Variants in CLDN16 observed in about 807,000 individuals in gnomAD.
CLDN16 encodes the protein claudin-16.
CLDN16 carries 13 observed loss-of-function variants against 24.6 expected under a neutral mutation model. That is an observed-to-expected ratio of 0.53 (90% confidence interval 0.34 to 0.84). The LOEUF (loss-of-function observed/expected upper bound fraction) is 0.84. Ranked by LOEUF, CLDN16 falls within the 40% of genes least tolerant of loss-of-function variation. The pLI, the probability that CLDN16 is intolerant of heterozygous loss-of-function variation, is 0.01. For synonymous variants in CLDN16, 116 were observed against 106.7 expected (o/e 1.09, Z -0.54); for missense variants, 298 against 292.7 (o/e 1.02, Z -0.13).
At chr3:190,366,463 T>G (rs527834801) in intron 1 of CLDN16, among the ~76,000 whole-genome samples, 3 of 152,056 alleles carry the variant, frequency 2.0e-5, no homozygotes, top group African/African-American at 7.2e-5. Context: ...TTAGGCCCAC[T>G]CCTGATACCA....
At chr3:190,301,936 T>A in the CLDN16 span, among the ~76,000 whole-genome samples, 28 of 152,324 alleles carry the variant, frequency 1.8e-4, no homozygotes, top group African/African-American at 5.8e-4. Context: ...TTATTATCTT[T>A]TGCTTTCATT....
intron 1 of CLDN16, among the ~76,000 whole-genome samples, chr3:190,370,432 C>A (rs1261153817): frequency 6.6e-6 from 1 of 151,908 alleles, no homozygotes; most frequent in Non-Finnish European, 1.5e-5. Flanking sequence ...GAGTGTCATA[C>A]ATCTTGGTTA....
At chr3:190,352,598 G>T (rs1414687312) in intron 1 of CLDN16, among the ~76,000 whole-genome samples, 1 of 152,106 alleles carries the variant, frequency 6.6e-6, no homozygotes, top group Non-Finnish European at 1.5e-5. Flanking sequence ...AGTAGCTATG[G>T]TTGCGAAAAG....
chr3:190,334,284 C>G (rs1717249096), intron 1 of CLDN16, among the ~76,000 whole-genome samples: 1 of 151,934 alleles, frequency 6.6e-6, no homozygotes, highest in Non-Finnish European at 1.5e-5. Context: ...TTAGGGAGAG[C>G]AATATCAGAT....
At chr3:190,353,042 T>TA (rs1251900819) in intron 1 of CLDN16, among the ~76,000 whole-genome samples, 1 of 152,060 alleles carries the variant, frequency 6.6e-6, no homozygotes, top group East Asian at 1.9e-4. Flanking sequence ...CAACCAATAG[T>TA]AAGTGTTCAT....
the CLDN16 span, among the ~76,000 whole-genome samples, chr3:190,311,112 C>T: frequency 1.3e-5 from 2 of 152,156 alleles, no homozygotes; most frequent in East Asian, 1.9e-4. Flanking sequence ...AACACTATTG[C>T]TTTTGGCTTC....
chr3:190,325,228 C>A (rs1024766629), intron 1 of CLDN16, among the ~76,000 whole-genome samples: 1 of 152,054 alleles, frequency 6.6e-6, no homozygotes, highest in Admixed American at 6.6e-5. Context: ...AATATGGCAG[C>A]GCTGGAATTC....
chr3:190,313,785 C>T, the CLDN16 span, among the ~76,000 whole-genome samples: 1 of 152,138 alleles, frequency 6.6e-6, no homozygotes, highest in African/African-American at 2.4e-5. Flanking sequence ...CTCAGGATTC[C>T]ATTTTTTCTA....
chr3:190,334,569 C>T (rs1717256531), intron 1 of CLDN16, among the ~76,000 whole-genome samples: 1 of 152,248 alleles, frequency 6.6e-6, no homozygotes, highest in South Asian at 2.1e-4. Flanking sequence ...AATCTTTCCA[C>T]TTGCATTCAT....
At chr3:190,377,793 T>C (rs1718276767) in intron 3 of CLDN16, among the ~76,000 whole-genome samples, 1 of 151,986 alleles carries the variant, frequency 6.6e-6, no homozygotes, top group South Asian at 2.1e-4. Flanking sequence ...CAGGTAGAGC[T>C]AAAAGTGTAA....
chr3:190,293,119 A>T, the CLDN16 span, among the ~76,000 whole-genome samples: 1 of 152,190 alleles, frequency 6.6e-6, no homozygotes, highest in African/African-American at 2.4e-5. Context: ...ATGGCTGGGG[A>T]GGCCTCAGAA....
At chr3:190,345,435 C>T (rs1421712631) in intron 1 of CLDN16, among the ~76,000 whole-genome samples, 1 of 152,152 alleles carries the variant, frequency 6.6e-6, no homozygotes, top group Non-Finnish European at 1.5e-5. Flanking sequence ...GTTTGAATCA[C>T]CCTATTTGGC....
chr3:190,297,232 T>A, the CLDN16 span, among the ~76,000 whole-genome samples: 1 of 151,894 alleles, frequency 6.6e-6, no homozygotes, highest in Non-Finnish European at 1.5e-5. Flanking sequence ...TTTTTCAGTT[T>A]ATTCTTTTTA....
rs74640549 is a variant in CLDN16 at position 190,326,766 on chromosome 3, A to G, written n.121+4105A>G. Reference sequence around the variant, plus strand: ...CCTAGCAGGTCCATCTCTTCAGAGAATTTGGGAGGGGATGAAATTTTAGCC... The same window carrying G: ...CCTAGCAGGTCCATCTCTTCAGAGAGTTTGGGAGGGGATGAAATTTTAGCC... On this transcript the variant is annotated intron_variant and non_coding_transcript_variant, in intron 1 of 4. Transcript: ENST00000468220. Among the ~76,000 whole-genome samples, 668 of 152,222 alleles carry G rather than the reference A, an allele frequency of 4.4e-3. 2 individuals are homozygous for G. Among genetic ancestry groups the G allele is most frequent in the African/African-American group, 0.015 (624 of 41,526 alleles).
chr3:190,369,393 C>T (rs1309557275), intron 1 of CLDN16, among the ~76,000 whole-genome samples: 1 of 151,866 alleles, frequency 6.6e-6, no homozygotes, highest in African/African-American at 2.4e-5. Context: ...GTTTATTGAT[C>T]TGGTTTAGAG....
chr3:190,353,480 A>G (rs193046146), intron 1 of CLDN16, among the ~76,000 whole-genome samples: 2 of 152,198 alleles, frequency 1.3e-5, no homozygotes, highest in East Asian at 1.9e-4. Flanking sequence ...AGGAATATGT[A>G]TATTTAATTA....
intron 1 of CLDN16, among the ~76,000 whole-genome samples, chr3:190,332,473 A>G (rs1293542458): frequency 6.6e-6 from 1 of 152,188 alleles, no homozygotes; most frequent in East Asian, 1.9e-4. Context: ...ATAAATGAAG[A>G]CATGGAATCT....
intron 1 of CLDN16, among the ~76,000 whole-genome samples, chr3:190,354,717 A>G (rs1717732989): frequency 6.6e-6 from 1 of 152,090 alleles, no homozygotes; most frequent in Non-Finnish European, 1.5e-5. Flanking sequence ...TTGAAACCTT[A>G]TAGTTTCAGG....
intron 3 of CLDN16, among the ~76,000 whole-genome samples, chr3:190,379,606 G>A (rs1718316548): frequency 6.6e-6 from 1 of 151,972 alleles, no homozygotes; most frequent in Admixed American, 6.6e-5. Context: ...ATCATCATGT[G>A]GTCATCTACA....
Sources: allele counts gnomAD v4.1 joint callset (sites outside exome capture counted in the v4.1 genomes callset), GRCh38; gene constraint gnomAD v4.1.1; transcripts MANE v1.5; gene names NCBI Gene and HGNC (gene_info 2026-07-23, HGNC 2026-07-21).